The following ST13 variants were observed in gnomAD, a reference collection of about 807,000 sequenced individuals.
The protein encoded by ST13 is ST13 Hsp70 interacting protein, also known as hsc70-interacting protein.
In ST13, 23 loss-of-function variants were observed where a neutral mutation model predicts 56.7. That is an observed-to-expected ratio of 0.41 (90% CI 0.29 to 0.57). The LOEUF (loss-of-function observed/expected upper bound fraction) is 0.57. Among genes scored for constraint, ST13 ranks in the 20% least tolerant of loss-of-function variants. ST13 has a pLI of 0.36. For missense variants in ST13, 369 were observed against 459.9 expected (o/e 0.80, Z 1.81); for synonymous variants, 132 against 142.4 (o/e 0.93, Z 0.52).
At chr22:40,833,840 T>G (rs2057765214) in intron 7 of ST13, among the ~76,000 whole-genome samples, 1 of 152,092 alleles carries the variant, frequency 6.6e-6, no homozygotes, top group African/African-American at 2.4e-5. Context: ...CACTCCAGCC[T>G]GGGTGAAGGA....
chr22:40,827,169 C>G lies in ST13; in HGVS notation c.908G>C (p.Gly303Ala). ...AGGCATTCCAGCCATTCCAGGCATG[C>G]CCCCTCCCATTCCAGGCATTCCTCC... is the stretch of plus-strand genomic sequence containing the variant. ...FPGGMPGMGG[G>A]MPGMAGMPGL... Residue 303 changes from glycine (G) to alanine (A), a missense_variant, in exon 11 of 12, where the codon GGC becomes GCC. Transcript: ENST00000216218. The G allele has an allele frequency of 6.2e-7, 1 of 1,612,674 alleles. No individual in the cohort carries two copies. Among genetic ancestry groups the G allele is most frequent in the Non-Finnish European group, 8.5e-7 (1 of 1,179,920 alleles).
At chr22:40,846,871 T>C (rs2145746471) in intron 3 of ST13, among the ~76,000 whole-genome samples, 1 of 152,244 alleles carries the variant, frequency 6.6e-6, no homozygotes, top group East Asian at 1.9e-4. Flanking sequence ...GGCATACGCC[T>C]GTAGTCCCAG....
At chr22:40,831,189 A>G (rs2057752275) in intron 8 of ST13, among the ~76,000 whole-genome samples, 1 of 152,234 alleles carries the variant, frequency 6.6e-6, no homozygotes, top group Non-Finnish European at 1.5e-5. Flanking sequence ...AAATGTTATA[A>G]TCTCAAACAA....
At chr22:40,839,696 A>C (rs2145740224) in intron 5 of ST13, among the ~76,000 whole-genome samples, 1 of 149,762 alleles carries the variant, frequency 6.7e-6, no homozygotes, top group African/African-American at 2.5e-5. Flanking sequence ...CTTGGGGTGG[A>C]GGTTGCAGAG....
intron 5 of ST13, among the ~76,000 whole-genome samples, chr22:40,839,457 C>A (rs1045978720): frequency 6.6e-6 from 1 of 152,150 alleles, no homozygotes; most frequent in Non-Finnish European, 1.5e-5. Flanking sequence ...TATAACCGAT[C>A]AAACATTACA....
Position 40,848,356 on chromosome 22 carries a change from T to A in ST13, c.182A>T (p.Asp61Val). 1 of 1,612,050 alleles carries A rather than the reference T, an allele frequency of 6.2e-7. No homozygotes were observed. Among genetic ancestry groups the A allele is most frequent in the African/African-American group, 1.3e-5 (1 of 75,044 alleles). Residue 61 changes from aspartate (D) to valine (V), a missense_variant, in exon 3 of 12, where the codon GAT (aspartate) becomes GTT (valine). Around this residue, in one of 3 missense-constraint regions of ST13, gnomAD observed 169 missense variants for 175.6 expected, o/e 0.96. Coordinates refer to ENST00000216218, the MANE Select transcript of ST13 (RefSeq NM_003932.5). ...SEENTKEEKP[D>V]SKKVEEDLKA... The stretch of plus-strand genomic sequence containing the variant: ...TAAGTCTTCCTCCACCTTCTTACTA[T>A]CAGGTTTTTCTTCCTAGCAAAGGGA...
At chr22:40,830,153 TGAG>T (rs1262404032) in intron 9 of ST13, among the ~76,000 whole-genome samples, 1 of 152,168 alleles carries the variant, frequency 6.6e-6, no homozygotes, top group African/African-American at 2.4e-5. Flanking sequence ...TTAAAATTAT[TGAG>T]GAGATATATT....
intron 7 of ST13, among the ~76,000 whole-genome samples, chr22:40,835,145 T>C (rs1474518667): frequency 6.6e-6 from 1 of 152,210 alleles, no homozygotes; most frequent in Non-Finnish European, 1.5e-5. Context: ...TCTTCTATAA[T>C]ACACTGGTAG....
chr22:40,833,050 T>C (rs2057761172), intron 7 of ST13, among the ~76,000 whole-genome samples: 1 of 152,198 alleles, frequency 6.6e-6, no homozygotes, highest in Non-Finnish European at 1.5e-5. Flanking sequence ...ATAATACATG[T>C]GTACAGGCTT....
At chr22:40,827,015 G>C (rs2057731574) in intron 11 of ST13, 81 bp downstream of exon 11, 14 of 1,459,806 alleles carry the variant, frequency 9.6e-6, no homozygotes, top group South Asian at 1.3e-5. Context: ...ATAGCTATGA[G>C]AGTAACCTTT....
chr22:40,839,867 G>A (rs1471849454), intron 5 of ST13, among the ~76,000 whole-genome samples: 5 of 150,202 alleles, frequency 3.3e-5, no homozygotes, highest in Non-Finnish European at 7.4e-5. Flanking sequence ...TATAAAAAAA[G>A]AGGCTGGGCG....
Position 40,844,842 on chromosome 22 carries a change from C to T in ST13, c.312G>A (p.Ala104=), listed in dbSNP as rs193083539. 58 of 1,612,906 alleles carry T rather than the reference C, an allele frequency of 3.6e-5. No homozygotes were observed. Among genetic ancestry groups the T allele is most frequent in the African/African-American group, 1.5e-4 (11 of 74,998 alleles). Residue 104 remains alanine (A), a synonymous_variant, in exon 4 of 12, where the codon GCG becomes GCA. Coordinates refer to ENST00000216218, the MANE Select transcript of ST13 (RefSeq NM_003932.5). ...GAAATCAAGTCACCGAACTTACCTC[C>T]GCATTTTCATCTCCCATTTCTTGAG... ...DAPQEMGDEN[A]EITEEMMDQA... is the part of the protein sequence containing the mutation.
intron 10 of ST13, among the ~76,000 whole-genome samples, chr22:40,828,869 C>T (rs1040811718): frequency 6.6e-6 from 1 of 152,100 alleles, no homozygotes; most frequent in Admixed American, 6.6e-5. Context: ...CTACCCGTAA[C>T]GAAATTACTG....
chr22:40,831,152 G>A (rs1468525207), intron 8 of ST13, among the ~76,000 whole-genome samples, 196 bp from the exon 9 acceptor site: 2 of 152,338 alleles, frequency 1.3e-5, no homozygotes, highest in Non-Finnish European at 2.9e-5. Flanking sequence ...GTAAAACAGA[G>A]TAAAGGGGCC....
At chr22:40,842,260 C>G (rs2057808251) in intron 4 of ST13, among the ~76,000 whole-genome samples, 1 of 152,154 alleles carries the variant, frequency 6.6e-6, no homozygotes, top group Non-Finnish European at 1.5e-5. Context: ...AATTTTTCTA[C>G]AGGTGAAGTT....
At chr22:40,833,932 AT>A (rs1034808574) in intron 7 of ST13, among the ~76,000 whole-genome samples, 1 of 152,154 alleles carries the variant, frequency 6.6e-6, no homozygotes, top group Non-Finnish European at 1.5e-5. Context: ...AAAAAAATGA[AT>A]TCAAGTAACT....
At chr22:40,826,765 G>A (rs2145729618) in intron 11 of ST13, 99 bp from the exon 12 acceptor site, 4 of 1,405,340 alleles carry the variant, frequency 2.8e-6, no homozygotes, top group East Asian at 2.3e-5. Context: ...GTAATTTGGT[G>A]ATAGTTAAGT....
At position 40,828,106 on chromosome 22, in the gene ST13, T is replaced by A. The variant is rs1602647765; in HGVS notation, c.848-877A>T. ...TTTTTCATTTCCATTTCAAATAAAA[T>A]AAAAATTCTCTGAAAGTGAAACTGG... On this transcript the variant is annotated intron_variant, in intron 10 of 11. Coordinates refer to ENST00000216218, the MANE Select transcript of ST13 (RefSeq NM_003932.5). 3.3e-5 allele frequency among the ~76,000 whole-genome samples: 5 copies of A among 152,288 alleles called. No homozygotes were observed. The South Asian group carries it at 1.0e-3, about 32-fold the overall frequency.
intron 5 of ST13, among the ~76,000 whole-genome samples, chr22:40,836,358 T>G (rs902985297): frequency 1.1e-4 from 17 of 151,902 alleles, no homozygotes; most frequent in African/African-American, 4.1e-4. Flanking sequence ...GGCTGAGGAG[T>G]GGCGCGAACC....
Sources: allele counts gnomAD v4.1 joint callset (sites outside exome capture counted in the v4.1 genomes callset), GRCh38; gene constraint gnomAD v4.1.1; regional missense constraint gnomAD v4.1.1; transcripts MANE v1.5; gene names NCBI Gene and HGNC (gene_info 2026-07-23, HGNC 2026-07-21).